Variants in AK9 observed in about 807,000 individuals in gnomAD.
The protein encoded by AK9 is adenylate kinase domain containing 1.
Under a neutral mutation model 239.6 loss-of-function variants are expected in AK9, and 191 were observed. The observed-to-expected ratio is 0.80, with a 90% confidence interval of 0.71 to 0.90. AK9 has a LOEUF of 0.90. Ranked by LOEUF, AK9 falls within the 40% of genes least tolerant of loss-of-function variation. The pLI is 0.00. For missense variants in AK9, 1,995 were observed against 2,214.7 expected (o/e 0.90, Z 1.99); for synonymous variants, 689 against 721.0 (o/e 0.96, Z 0.71).
chr6:109,640,892 T>G (rs10872051), intron 10 of AK9, among the ~76,000 whole-genome samples: 88,469 of 151,858 alleles, frequency 0.58, 27,452 homozygotes, highest in East Asian at 0.84. Context: ...TTGGTTGAAT[T>G]ATTAAAGAAA....
At chr6:109,610,328 A>G in intron 17 of AK9, 37 bp downstream of exon 17, 1 of 1,538,392 alleles carries the variant, frequency 6.5e-7, no homozygotes, top group Non-Finnish European at 8.8e-7. Flanking sequence ...AGTAATAGTT[A>G]AGTCACTGAT....
chr6:109,635,362 T>C (rs867112432), intron 10 of AK9, among the ~76,000 whole-genome samples: 5 of 152,144 alleles, frequency 3.3e-5, no homozygotes, highest in African/African-American at 9.7e-5. Context: ...TGGAAAGACA[T>C]GGGACCTTGT....
intron 26 of AK9, 71 bp downstream of exon 26, chr6:109,545,796 C>T: frequency 2.6e-6 from 4 of 1,511,894 alleles, no homozygotes; most frequent in Non-Finnish European, 2.7e-6. Context: ...GATGGAGACC[C>T]TGTCTCAAAA....
At chr6:109,498,337 C>G (rs1417102175) in intron 36 of AK9, among the ~76,000 whole-genome samples, 1 of 152,180 alleles carries the variant, frequency 6.6e-6, no homozygotes, top group African/African-American at 2.4e-5. Flanking sequence ...AGGTATTGCT[C>G]TGTAAAATGG....
At chr6:109,687,659 G>A (rs1473926328) in intron 1 of AK9, among the ~76,000 whole-genome samples, 6 of 152,114 alleles carry the variant, frequency 3.9e-5, no homozygotes, top group African/African-American at 1.4e-4. Context: ...CTTGGGAGTG[G>A]ATTCTTCCCT....
chr6:109,624,035 T>C (rs775986252), intron 12 of AK9, among the ~76,000 whole-genome samples: 34 of 151,988 alleles, frequency 2.2e-4, no homozygotes, highest in Non-Finnish European at 4.7e-4. Context: ...TGTTCATATT[T>C]CTGTTCCTGC....
In AK9 at chr6:109,659,415, T is replaced by A. The variant is rs768296520; in HGVS notation, c.445-2A>T. On this transcript the variant is annotated splice_acceptor_variant, in intron 6 of 40. Coordinates refer to ENST00000424296, the MANE Select transcript of AK9 (RefSeq NM_001145128.3). LOFTEE classifies it high-confidence loss of function. ...CTGGCACAAATCATAGTCAGGACAC[T>A]AAGAAACAACATTATTAAATCACTT... 6.3e-7 allele frequency: 1 copy of A among 1,589,226 alleles called. No individual in the cohort carries two copies. The highest frequency in any genetic ancestry group is 8.6e-7 in the Non-Finnish European group (1 of 1,167,504).
At chr6:109,655,407 C>T (rs192763836) in intron 8 of AK9, among the ~76,000 whole-genome samples, 21 of 152,242 alleles carry the variant, frequency 1.4e-4, no homozygotes, top group Admixed American at 3.9e-4. Flanking sequence ...TTTAAAAAAT[C>T]ATTTCTATGA....
intron 9 of AK9, among the ~76,000 whole-genome samples, chr6:109,643,460 T>C (rs1036422483): frequency 6.6e-6 from 1 of 152,262 alleles, no homozygotes; most frequent in Admixed American, 6.5e-5. Context: ...ATTCCTGTGT[T>C]CACTACCCTA....
chr6:109,558,079 T>TA (rs1258847721), intron 24 of AK9, among the ~76,000 whole-genome samples: 1 of 152,166 alleles, frequency 6.6e-6, no homozygotes, highest in Non-Finnish European at 1.5e-5. Context: ...TTTTGCCCAT[T>TA]AAAAAAATGG....
At chr6:109,516,702 T>A in intron 29 of AK9, 60 bp from the exon 30 acceptor site, 1 of 1,374,964 alleles carries the variant, frequency 7.3e-7, no homozygotes, top group Non-Finnish European at 1.0e-6. Context: ...AAGACACTAT[T>A]AACAAATCAT....
intron 29 of AK9, among the ~76,000 whole-genome samples, chr6:109,521,001 G>C (rs1779801820): frequency 6.6e-6 from 1 of 152,030 alleles, no homozygotes; most frequent in Non-Finnish European, 1.5e-5. Context: ...GTGACCTTTT[G>C]GCAGAGTCTT....
rs1362547624 is a variant in AK9, at chr6:109,644,552, A to G, written c.834+62T>C. 3.6e-6 allele frequency: 5 copies of G among 1,388,926 alleles called. No individual in the cohort carries two copies. In the East Asian group the frequency reaches 1.2e-4, roughly 32 times the overall value. The allele number at this position is 1,388,926 out of a possible 1,614,324, so 86.0% of individuals were successfully genotyped here. On this transcript the variant is annotated intron_variant, in intron 9 of 40. Transcript: ENST00000424296. ...GCTTCTGTTTATTAAAAGAAGTACA[A>G]TACTGTCAATAGATTTAAATTTTCC...
intron 24 of AK9, among the ~76,000 whole-genome samples, chr6:109,558,903 G>A (rs916087682): frequency 1.6e-4 from 24 of 149,542 alleles, no homozygotes; most frequent in Non-Finnish European, 2.5e-4. Context: ...TTGCTCTGTC[G>A]CCTAGGCTGG....
chr6:109,539,801 T>C (rs1017581351), intron 27 of AK9, among the ~76,000 whole-genome samples: 1 of 152,206 alleles, frequency 6.6e-6, no homozygotes, highest in Admixed American at 6.5e-5. Flanking sequence ...TCCTTTCTGT[T>C]TGTTAGTTTT....
chr6:109,595,030 G>A (rs1249758722), intron 17 of AK9, among the ~76,000 whole-genome samples: 5 of 152,100 alleles, frequency 3.3e-5, no homozygotes, highest in African/African-American at 9.7e-5. Context: ...AAATTAAAGA[G>A]CTTCTGCACA....
chr6:109,594,054 AG>A (rs1790664573), intron 17 of AK9, among the ~76,000 whole-genome samples: 1 of 152,230 alleles, frequency 6.6e-6, no homozygotes, highest in South Asian at 2.1e-4. Flanking sequence ...GTATTCAAAT[AG>A]GAAGAGAGGA....
chr6:109,600,535 TTC>T (rs1791788472), intron 17 of AK9, among the ~76,000 whole-genome samples: 1 of 152,158 alleles, frequency 6.6e-6, no homozygotes, highest in Non-Finnish European at 1.5e-5. Context: ...TGGTCTACAA[TTC>T]TCTTTTTTTG....
chr6:109,533,296 T>G lies in AK9; in HGVS notation c.3525A>C (p.Lys1175Asn). ...CTTTGATCAGTTTCTTCCTTTCTAATTTCTTCTTTTGTTTTAGTTTCCACT... is the reference window on the plus strand; with the variant it reads ...CTTTGATCAGTTTCTTCCTTTCTAAGTTCTTCTTTTGTTTTAGTTTCCACT... ...IEKWKLKQKKKLERKKLIKDM... is the reference protein window; with the variant it reads ...IEKWKLKQKKNLERKKLIKDM... Residue 1175 changes from lysine (K) to asparagine (N), a missense_variant, in exon 28 of 41, where the codon AAA becomes AAC. Lys to Asn is a moderately conservative substitution (Grantham distance 94). Transcript: ENST00000424296. 1 of 1,611,558 alleles carries G rather than the reference T, an allele frequency of 6.2e-7. No homozygotes were observed. Among genetic ancestry groups the G allele is most frequent in the Non-Finnish European group, 8.5e-7 (1 of 1,179,216 alleles).
Sources: allele counts gnomAD v4.1 joint callset (sites outside exome capture counted in the v4.1 genomes callset), GRCh38; gene constraint gnomAD v4.1.1; transcripts MANE v1.5; gene names NCBI Gene and HGNC (gene_info 2026-07-23, HGNC 2026-07-21).